Variants in ESRRB observed in about 807,000 individuals in gnomAD.
ESRRB encodes estrogen related receptor beta.
Under a neutral mutation model 46.0 loss-of-function variants are expected in ESRRB, and 16 were observed. That is an observed-to-expected ratio of 0.35 (90% CI 0.24 to 0.53). ESRRB has a LOEUF of 0.53. Among genes scored for constraint, ESRRB ranks in the 20% least tolerant of loss-of-function variants. The pLI is 0.93. For synonymous variants in ESRRB, 246 were observed against 259.6 expected (o/e 0.95, Z 0.50); for missense variants, 488 against 607.4 (o/e 0.80, Z 2.07).
At chr14:76,410,901 A>G (rs553357503) in intron 1 of ESRRB, among the ~76,000 whole-genome samples, 1 of 152,018 alleles carries the variant, frequency 6.6e-6, no homozygotes, top group African/African-American at 2.4e-5. Flanking sequence ...CTTGTGCCTC[A>G]GCCTCCCGAG....
At chr14:76,350,119 TG>T (rs1051194490) in intron 1 of ESRRB, among the ~76,000 whole-genome samples, 6 of 152,172 alleles carry the variant, frequency 3.9e-5, no homozygotes, top group Non-Finnish European at 5.9e-5. Flanking sequence ...ATTCCCATCC[TG>T]GGGGAGGTTC....
chr14:76,335,097 C>T (rs1884110572), intron 1 of ESRRB, among the ~76,000 whole-genome samples: 1 of 152,196 alleles, frequency 6.6e-6, no homozygotes, highest in African/African-American at 2.4e-5. Context: ...ATTGGTTCCC[C>T]TTAGTTCACC....
At chr14:76,335,426 G>A (rs955611664) in intron 1 of ESRRB, among the ~76,000 whole-genome samples, 9 of 152,222 alleles carry the variant, frequency 5.9e-5, no homozygotes, top group Admixed American at 2.6e-4. Flanking sequence ...AGAAGAAGCT[G>A]TAGGGGCCAG....
Position 76,482,146 on chromosome 14 carries a change from C to G in ESRRB, c.688+20C>G. 1 of 1,585,316 alleles carries G rather than the reference C, an allele frequency of 6.3e-7. No individual in the cohort carries two copies. The highest frequency in any genetic ancestry group is 8.7e-7 in the Non-Finnish European group (1 of 1,153,874). On this transcript the variant is annotated intron_variant, in intron 4 of 6. Transcript: ENST00000644823. The surrounding 1 kb of genome is among the most constrained non-coding windows in gnomAD (Gnocchi z 4.3). ...AGCCATGTGAGTGTCAGGGCAGTCC[C>G]TGCCCCTTTTGCCAGCATCTGTACC... is the stretch of plus-strand genomic sequence containing the variant.
At chr14:76,336,734 C>T (rs894258112) in intron 1 of ESRRB, among the ~76,000 whole-genome samples, 1 of 152,174 alleles carries the variant, frequency 6.6e-6, no homozygotes, top group Non-Finnish European at 1.5e-5. Flanking sequence ...GGGGGCGATA[C>T]CCACTCTTCA....
chr14:76,438,579 G>T (rs140521905), intron 1 of ESRRB, among the ~76,000 whole-genome samples: 1 of 151,732 alleles, frequency 6.6e-6, no homozygotes, highest in South Asian at 2.1e-4. Flanking sequence ...CAGGAGAATC[G>T]CTTGAACCCA....
chr14:76,358,644 C>T (rs1387583988), intron 1 of ESRRB, among the ~76,000 whole-genome samples: 1 of 152,202 alleles, frequency 6.6e-6, no homozygotes, highest in African/African-American at 2.4e-5. Flanking sequence ...AAAAGTAAGA[C>T]ATGGTGATCA....
At chr14:76,331,986 A>G (rs1884018904) in intron 1 of ESRRB, among the ~76,000 whole-genome samples, 1 of 151,930 alleles carries the variant, frequency 6.6e-6, no homozygotes, top group East Asian at 1.9e-4. Flanking sequence ...ATCCTAGCTT[A>G]AGAAAACCAT....
intron 1 of ESRRB, among the ~76,000 whole-genome samples, chr14:76,351,573 G>T (rs1884313401): frequency 6.6e-6 from 1 of 152,152 alleles, no homozygotes; most frequent in African/African-American, 2.4e-5. Flanking sequence ...TCTAAATAAG[G>T]TCACATTCTC....
intron 1 of ESRRB, among the ~76,000 whole-genome samples, chr14:76,400,156 A>T (rs1318183139): frequency 6.6e-6 from 1 of 152,202 alleles, no homozygotes; most frequent in Non-Finnish European, 1.5e-5. Flanking sequence ...CTGGTACCTC[A>T]TCTGCTCTTG....
At chr14:76,464,674 C>A (rs149161272) in intron 3 of ESRRB, among the ~76,000 whole-genome samples, 1 of 152,132 alleles carries the variant, frequency 6.6e-6, no homozygotes, top group Non-Finnish European at 1.5e-5. Flanking sequence ...TGGGCTACAT[C>A]GAGCCCGCAG....
intron 1 of ESRRB, chr14:76,407,459 C>A: frequency 1.2e-6 from 1 of 852,860 alleles, no homozygotes; most frequent in Non-Finnish European, 1.4e-6. Context: ...CAGGCTAAAT[C>A]CTCTGACCTT....
intron 1 of ESRRB, among the ~76,000 whole-genome samples, chr14:76,354,290 G>A (rs12888952): frequency 0.25 from 34,991 of 138,486 alleles, 4,731 homozygotes; most frequent in East Asian, 0.44. Flanking sequence ...TTACTTGCTT[G>A]CCCCTACCAC....
At chr14:76,493,558 A>G (rs931657702) in intron 6 of ESRRB, among the ~76,000 whole-genome samples, 1 of 152,248 alleles carries the variant, frequency 6.6e-6, no homozygotes, top group African/African-American at 2.4e-5. Flanking sequence ...TATCATTACT[A>G]TTAATGATAG....
chr14:76,364,471 C>T (rs1030128435), intron 1 of ESRRB, among the ~76,000 whole-genome samples: 1 of 151,908 alleles, frequency 6.6e-6, no homozygotes, highest in Non-Finnish European at 1.5e-5. Flanking sequence ...GGTGGATCAC[C>T]TGAGATCAGG....
upstream of ESRRB, among the ~76,000 whole-genome samples, chr14:76,367,268 T>A (rs1884533195): frequency 6.6e-6 from 1 of 151,724 alleles, no homozygotes; most frequent in South Asian, 2.1e-4. Flanking sequence ...AAAAAAAAAA[T>A]TGACTGGGCA....
At chr14:76,401,053 C>G (rs61979392) in intron 1 of ESRRB, among the ~76,000 whole-genome samples, 20,265 of 151,660 alleles carry the variant, frequency 0.13, 1,416 homozygotes, top group Non-Finnish European at 0.16. Flanking sequence ...GTGATCACAG[C>G]TCCGGCCCAG....
intron 2 of ESRRB, among the ~76,000 whole-genome samples, chr14:76,445,571 C>T (rs1888107733): frequency 2.0e-5 from 3 of 152,002 alleles, no homozygotes. Context: ...AGATCACTTC[C>T]TTCTGCGCAA....
chr14:76,399,355 A>G (rs1885837250), intron 1 of ESRRB, among the ~76,000 whole-genome samples: 2 of 152,092 alleles, frequency 1.3e-5, no homozygotes, highest in Non-Finnish European at 2.9e-5. Context: ...CATCTGCCTG[A>G]TGAGGATAAG....
Sources: allele counts gnomAD v4.1 joint callset (sites outside exome capture counted in the v4.1 genomes callset), GRCh38; gene constraint gnomAD v4.1.1; non-coding constraint Gnocchi (gnomAD v3.1); transcripts MANE v1.5; gene names NCBI Gene and HGNC (gene_info 2026-07-23, HGNC 2026-07-21).